ROBO2: variants seen among roughly 807,000 people sequenced by gnomAD.
ROBO2 encodes the protein roundabout homolog 2.
Under a neutral mutation model 160.8 loss-of-function variants are expected in ROBO2, and 53 were observed. That is an observed-to-expected ratio of 0.33 (90% confidence interval 0.26 to 0.41). ROBO2 has a LOEUF of 0.41. Ranked by LOEUF, ROBO2 falls within the 10% of genes least tolerant of loss-of-function variation. ROBO2 has a pLI of 1.00. For synonymous variants in ROBO2, 664 were observed against 611.7 expected, an observed-to-expected ratio of 1.09 and a Z score of -1.26; for missense variants, 1,577 against 1,722.4, an observed-to-expected ratio of 0.92 and a Z score of 1.49.
chr3:76,349,295 C>T (rs1267660902), intron 2 of ROBO2, among the ~76,000 whole-genome samples: 1 of 151,940 alleles, frequency 6.6e-6, no homozygotes, highest in African/African-American at 2.4e-5. Flanking sequence ...GTTTTATATA[C>T]TCCTATCTCC....
chr3:77,397,785 C>G (rs2075417551), intron 2 of ROBO2, among the ~76,000 whole-genome samples: 1 of 151,988 alleles, frequency 6.6e-6, no homozygotes, highest in South Asian at 2.1e-4. Context: ...TTAGTGCAAA[C>G]TATATAATTT....
intron 2 of ROBO2, among the ~76,000 whole-genome samples, chr3:76,442,802 T>G (rs2076985988): frequency 2.0e-5 from 3 of 152,104 alleles, no homozygotes; most frequent in Admixed American, 6.6e-5. Flanking sequence ...AGAATCTCAG[T>G]GTTTGCGTTC....
At chr3:75,932,460 T>A (rs1440913507) in intron 1 of ROBO2, among the ~76,000 whole-genome samples, 1 of 152,194 alleles carries the variant, frequency 6.6e-6, no homozygotes, top group Admixed American at 6.5e-5. Flanking sequence ...TTGAGAGGCC[T>A]GGAGGATTTA....
chr3:76,640,908 A>G (rs1324034296), intron 2 of ROBO2, among the ~76,000 whole-genome samples: 1 of 152,238 alleles, frequency 6.6e-6, no homozygotes, highest in Non-Finnish European at 1.5e-5. Flanking sequence ...AGCCAAGATC[A>G]TTTGAGCGGC....
chr3:77,134,625 A>G (rs2076128828), intron 2 of ROBO2, among the ~76,000 whole-genome samples: 1 of 152,190 alleles, frequency 6.6e-6, no homozygotes, highest in Non-Finnish European at 1.5e-5. Flanking sequence ...GTGAATGTTC[A>G]CATCTTTACC....
At chr3:76,658,799 A>C (rs945408664) in intron 2 of ROBO2, among the ~76,000 whole-genome samples, 1 of 152,126 alleles carries the variant, frequency 6.6e-6, no homozygotes, top group African/African-American at 2.4e-5. Context: ...TTGCCTTTTT[A>C]ACTTAATAGT....
At chr3:76,891,568 G>T (rs145647716) in intron 2 of ROBO2, among the ~76,000 whole-genome samples, 1 of 151,138 alleles carries the variant, frequency 6.6e-6, no homozygotes, top group Non-Finnish European at 1.5e-5. Context: ...GCAAGCTCCA[G>T]TTGATGGTAT....
intron 2 of ROBO2, among the ~76,000 whole-genome samples, chr3:76,950,920 G>A (rs1287197930): frequency 6.6e-6 from 1 of 152,082 alleles, no homozygotes; most frequent in Non-Finnish European, 1.5e-5. Flanking sequence ...TAGAGAAATG[G>A]TTTCGCCATG....
chr3:76,884,296 G>A (rs1471419243), intron 2 of ROBO2, among the ~76,000 whole-genome samples: 1 of 152,128 alleles, frequency 6.6e-6, no homozygotes, highest in Non-Finnish European at 1.5e-5. Flanking sequence ...ATTTTATGTG[G>A]AAGTATGCAT....
intron 2 of ROBO2, among the ~76,000 whole-genome samples, chr3:76,654,929 T>TTATATA (rs1560313161): frequency 7.1e-6 from 1 of 141,454 alleles, no homozygotes; most frequent in Non-Finnish European, 1.5e-5. Flanking sequence ...ATATATATAT[T>TTATATA]TATATATATA....
chr3:76,032,483 T>A (rs2066957782), intron 2 of ROBO2, among the ~76,000 whole-genome samples: 1 of 152,216 alleles, frequency 6.6e-6, no homozygotes, highest in East Asian at 1.9e-4. Flanking sequence ...TGCTTTCTCT[T>A]GTGGGCATTT....
chr3:76,721,305 A>G (rs1221241301), intron 2 of ROBO2, among the ~76,000 whole-genome samples: 1 of 152,204 alleles, frequency 6.6e-6, no homozygotes, highest in African/African-American at 2.4e-5. Context: ...CTGTGATAAG[A>G]GAAATAAACA....
chr3:76,668,274 A>T (rs2092130558), intron 2 of ROBO2, among the ~76,000 whole-genome samples: 1 of 151,422 alleles, frequency 6.6e-6, no homozygotes, highest in Non-Finnish European at 1.5e-5. Flanking sequence ...TATTAAAAAA[A>T]AATTGTAGAG....
chr3:76,749,742 C>T (rs1000666745), intron 2 of ROBO2, among the ~76,000 whole-genome samples: 4 of 152,018 alleles, frequency 2.6e-5, no homozygotes, highest in Non-Finnish European at 5.9e-5. Flanking sequence ...GATGTAGCAT[C>T]AAAAACGTAT....
intron 2 of ROBO2, among the ~76,000 whole-genome samples, chr3:76,256,641 G>A (rs1006765456): frequency 1.3e-5 from 2 of 152,056 alleles, no homozygotes; most frequent in African/African-American, 4.8e-5. Flanking sequence ...ATCCCAGGAT[G>A]CTGAGGCTGC....
chr3:76,313,990 C>T (rs748350911), intron 2 of ROBO2, among the ~76,000 whole-genome samples: 5 of 152,032 alleles, frequency 3.3e-5, no homozygotes, highest in African/African-American at 1.2e-4. Context: ...CAGCACCAAA[C>T]GGATGACGGG....
chr3:77,296,568 C>A (rs1016213155), intron 2 of ROBO2, among the ~76,000 whole-genome samples: 11 of 152,066 alleles, frequency 7.2e-5, no homozygotes, highest in Non-Finnish European at 1.5e-4. Flanking sequence ...AGTCCCATGT[C>A]TAGAGTCTAA....
At chr3:77,247,673 G>A (rs2089885050) in intron 2 of ROBO2, among the ~76,000 whole-genome samples, 1 of 152,134 alleles carries the variant, frequency 6.6e-6, no homozygotes, top group Non-Finnish European at 1.5e-5. Flanking sequence ...GCACTAGATT[G>A]ACAATTTTGC....
intron 2 of ROBO2, among the ~76,000 whole-genome samples, chr3:76,192,861 G>A (rs7621786): frequency 0.76 from 116,248 of 152,028 alleles, 45,724 homozygotes; most frequent in Non-Finnish European, 0.87. Flanking sequence ...GTTCACAAGA[G>A]CTGCTTACAC....
Sources: allele counts gnomAD v4.1 joint callset (sites outside exome capture counted in the v4.1 genomes callset), GRCh38; gene constraint gnomAD v4.1.1; transcripts MANE v1.5; gene names NCBI Gene and HGNC (gene_info 2026-07-23, HGNC 2026-07-21).